TRHDE: variants seen among roughly 807,000 people sequenced by gnomAD.
TRHDE encodes thyrotropin-releasing hormone-degrading ectoenzyme.
Under a neutral mutation model 125.7 loss-of-function variants are expected in TRHDE, and 72 were observed. That is an observed-to-expected ratio of 0.57 (90% CI 0.47 to 0.70). The LOEUF (loss-of-function observed/expected upper bound fraction) is 0.70. Among genes scored for constraint, TRHDE ranks in the 30% least tolerant of loss-of-function variants. The pLI, the probability that TRHDE is intolerant of heterozygous loss-of-function variation, is 0.00. For synonymous variants in TRHDE, 509 were observed against 509.1 expected (o/e 1.00, Z 0.00); for missense variants, 1,110 against 1,327.1 (o/e 0.84, Z 2.54).
intron 2 of TRHDE, among the ~76,000 whole-genome samples, chr12:72,324,192 G>A (rs1484762892): frequency 6.6e-6 from 1 of 152,042 alleles, no homozygotes; most frequent in Non-Finnish European, 1.5e-5. Context: ...TACCTACTAG[G>A]TACTTTTTAT....
intron 15 of TRHDE, among the ~76,000 whole-genome samples, chr12:72,649,134 T>C (rs866718980): frequency 3.3e-5 from 5 of 152,080 alleles, no homozygotes; most frequent in Middle Eastern, 3.2e-3. Flanking sequence ...TTGCTAATTT[T>C]AAAATATATT....
intron 6 of TRHDE, among the ~76,000 whole-genome samples, chr12:72,531,816 T>C (rs1026837800): frequency 1.3e-5 from 2 of 152,116 alleles, no homozygotes; most frequent in Non-Finnish European, 2.9e-5. Flanking sequence ...ATCTGGTCCC[T>C]AGTTTATATG....
At chr12:72,658,995 C>A (rs1305188409) in intron 18 of TRHDE, among the ~76,000 whole-genome samples, 3 of 152,160 alleles carry the variant, frequency 2.0e-5, no homozygotes, top group African/African-American at 7.2e-5. Context: ...GGAGAATTCA[C>A]TTGCATTCTA....
At chr12:72,560,638 A>T (rs563532456) in intron 7 of TRHDE, 2 of 152,134 alleles carry the variant, frequency 1.3e-5, no homozygotes, top group Non-Finnish European at 2.9e-5. Context: ...CATGGGCCAC[A>T]TAATGGAATC....
intron 5 of TRHDE, among the ~76,000 whole-genome samples, chr12:72,477,323 C>T (rs547314320): frequency 5.9e-5 from 9 of 152,208 alleles, no homozygotes; most frequent in Non-Finnish European, 7.4e-5. Flanking sequence ...ATTATTTATA[C>T]GTACAAAATA....
At chr12:72,417,552 G>A (rs887264546) in intron 3 of TRHDE, among the ~76,000 whole-genome samples, 1 of 151,892 alleles carries the variant, frequency 6.6e-6, no homozygotes, top group African/African-American at 2.4e-5. Flanking sequence ...TGAATTTGAT[G>A]TTATTTTTCA....
chr12:72,653,882 A>C (rs1257540352), intron 17 of TRHDE, among the ~76,000 whole-genome samples: 1 of 152,158 alleles, frequency 6.6e-6, no homozygotes, highest in African/African-American at 2.4e-5. Flanking sequence ...GTCTCTGAAA[A>C]GCTAGTGTAT....
intron 5 of TRHDE, among the ~76,000 whole-genome samples, chr12:72,482,127 C>G (rs1241417749): frequency 6.6e-6 from 1 of 151,850 alleles, no homozygotes; most frequent in Non-Finnish European, 1.5e-5. Flanking sequence ...AAATGAGCCA[C>G]TTGTGCTAAT....
At chr12:72,282,818 A>G (rs1462414816) in intron 1 of TRHDE, among the ~76,000 whole-genome samples, 1 of 152,190 alleles carries the variant, frequency 6.6e-6, no homozygotes, top group Non-Finnish European at 1.5e-5. Context: ...TCTTTAAGCT[A>G]ATGGTTTTCA....
intron 5 of TRHDE, among the ~76,000 whole-genome samples, chr12:72,494,046 C>G (rs1333454165): frequency 6.6e-6 from 1 of 152,046 alleles, no homozygotes; most frequent in Admixed American, 6.6e-5. Context: ...ATCCCAGAAC[C>G]AGGCATACCA....
chr12:72,097,705 C>A (rs1874965448), intron 1 of TRHDE, among the ~76,000 whole-genome samples: 1 of 152,128 alleles, frequency 6.6e-6, no homozygotes. Context: ...CCTGCTGCAG[C>A]CTCCCAAAGT....
At chr12:72,467,451 A>G (rs1390324678) in intron 3 of TRHDE, among the ~76,000 whole-genome samples, 1 of 152,016 alleles carries the variant, frequency 6.6e-6, no homozygotes, top group Non-Finnish European at 1.5e-5. Flanking sequence ...GCTGTTATGC[A>G]CTTATGCTGA....
At chr12:72,351,721 AACCT>A (rs1052305569) in intron 2 of TRHDE, among the ~76,000 whole-genome samples, 25 of 152,030 alleles carry the variant, frequency 1.6e-4, no homozygotes, top group African/African-American at 5.5e-4. Flanking sequence ...TCTAAATTAG[AACCT>A]TCTTTCCTAA....
intron 3 of TRHDE, among the ~76,000 whole-genome samples, chr12:72,449,621 C>A (rs1170000070): frequency 6.6e-6 from 1 of 151,806 alleles, no homozygotes; most frequent in Non-Finnish European, 1.5e-5. Context: ...ATTGTAGGTC[C>A]TTTGAGCCCC....
Position 72,668,182 on chromosome 12 carries a change from AT to A in TRHDE, c.*4988del, listed in dbSNP as rs1286327814. ...TATTAAGTATTTTATTTAATGTGAT[AT>A]AGATTCAGGAAAAGTCTAACAAAAA... On this transcript the variant is annotated 3_prime_UTR_variant, in exon 19 of 19. Transcript: ENST00000261180. 1 of 151,758 alleles carries A rather than the reference AT, an allele frequency of 6.6e-6. No individual in the cohort carries two copies. Among genetic ancestry groups the A allele is most frequent in the African/African-American group, 2.4e-5 (1 of 41,422 alleles). 9.4% of individuals were successfully genotyped at this position (151,758 alleles called of 1,614,324 possible).
At position 72,273,658 on chromosome 12, in the gene TRHDE, G is replaced by A; in HGVS notation, c.914+101G>A. On this transcript the variant is annotated intron_variant, in intron 1 of 18. Transcript: ENST00000261180. The surrounding 1 kb of genome is among the most constrained non-coding windows in gnomAD (Gnocchi z 5.3). The stretch of plus-strand genomic sequence containing the variant: ...GGGACCCAGCTGGCTTCCAATACCC[G>A]GGAAGCCAGGGGTGGGGGGAAGGAA... 1.8e-6 allele frequency: 2 copies of A among 1,131,310 alleles called. No homozygotes were observed. Among genetic ancestry groups the A allele is most frequent in the Non-Finnish European group, 2.5e-6 (2 of 797,836 alleles). 70.1% of individuals were successfully genotyped at this position (1,131,310 alleles called of 1,614,324 possible). A position where few individuals can be genotyped will look rare whatever the true frequency, so the allele number is the denominator to read the frequency against.
intron 3 of TRHDE, among the ~76,000 whole-genome samples, chr12:72,466,151 G>A (rs1876362808): frequency 6.6e-6 from 1 of 152,118 alleles, no homozygotes; most frequent in African/African-American, 2.4e-5. Flanking sequence ...GCCTCCAATT[G>A]TTTCCACACC....
intron 5 of TRHDE, among the ~76,000 whole-genome samples, chr12:72,488,850 TTG>T (rs1215308620): frequency 1.3e-5 from 2 of 151,712 alleles, no homozygotes; most frequent in Non-Finnish European, 3.0e-5. Flanking sequence ...TAACAGATAA[TTG>T]TGAAAAATTC....
chr12:72,338,507 C>A (rs1869933003), intron 2 of TRHDE, among the ~76,000 whole-genome samples: 1 of 152,068 alleles, frequency 6.6e-6, no homozygotes, highest in Non-Finnish European at 1.5e-5. Flanking sequence ...AGTACTTTGC[C>A]AAAAGGAGTT....
Sources: gnomAD v4.1 joint callset for allele counts (sites outside exome capture counted in the v4.1 genomes callset) on GRCh38, gnomAD v4.1.1 for gene constraint, Gnocchi (gnomAD v3.1) non-coding constraint, MANE v1.5 for transcripts, NCBI Gene and HGNC (gene_info 2026-07-23, HGNC 2026-07-21) for gene names.